TNKS: variants seen among roughly 807,000 people sequenced by gnomAD.
The protein encoded by TNKS is poly [ADP-ribose] polymerase tankyrase-1.
TNKS carries 72 observed loss-of-function variants against 135.8 expected under a neutral mutation model. That is an observed-to-expected ratio of 0.53 (90% CI 0.44 to 0.64). The LOEUF is 0.64. TNKS is among the 30% of genes least tolerant of loss of function. The pLI, the probability that TNKS is intolerant of heterozygous loss-of-function variation, is 0.00. For synonymous variants in TNKS, 849 were observed against 649.3 expected (o/e 1.31, Z -4.68); for missense variants, 1,769 against 1,674.0 (o/e 1.06, Z -0.99).
At chr8:9,588,291 T>C (rs1798462105) in intron 2 of TNKS, among the ~76,000 whole-genome samples, 1 of 152,136 alleles carries the variant, frequency 6.6e-6, no homozygotes, top group Non-Finnish European at 1.5e-5. Context: ...TTCTTTTTTT[T>C]TTTGAGACAG....
At chr8:9,722,364 A>G (rs1585376626) in intron 12 of TNKS, 2 of 152,152 alleles carry the variant, frequency 1.3e-5, no homozygotes, top group African/African-American at 4.8e-5. Flanking sequence ...ACATTGTGAA[A>G]ACTATTGATG....
intron 3 of TNKS, among the ~76,000 whole-genome samples, chr8:9,651,752 C>G (rs564185011): frequency 6.6e-6 from 1 of 152,264 alleles, no homozygotes; most frequent in South Asian, 2.1e-4. Context: ...TAAGAACATT[C>G]TTTTATGTGG....
At chr8:9,741,696 C>G in intron 17 of TNKS, 1 of 527,466 alleles carries the variant, frequency 1.9e-6, no homozygotes, top group Non-Finnish European at 3.9e-6. Flanking sequence ...GTGTGTCACT[C>G]GATGACCACT....
intron 11 of TNKS, among the ~76,000 whole-genome samples, chr8:9,718,183 T>C (rs1004968492): frequency 6.6e-6 from 1 of 152,208 alleles, no homozygotes; most frequent in African/African-American, 2.4e-5. Context: ...TTTTAATTGT[T>C]GACTTTCAAT....
intron 3 of TNKS, among the ~76,000 whole-genome samples, chr8:9,653,054 T>A (rs1224545254): frequency 6.6e-6 from 1 of 152,178 alleles, no homozygotes; most frequent in Non-Finnish European, 1.5e-5. Context: ...TCATGCAGTT[T>A]CCATGGACAT....
chr8:9,625,304 C>G (rs1185443083), intron 3 of TNKS, among the ~76,000 whole-genome samples: 1 of 151,474 alleles, frequency 6.6e-6, no homozygotes, highest in East Asian at 1.9e-4. Context: ...TTTGTGTTTT[C>G]TCCTTTTCTT....
chr8:9,592,648 A>C (rs1158123609), intron 2 of TNKS, among the ~76,000 whole-genome samples: 2 of 152,216 alleles, frequency 1.3e-5, no homozygotes, highest in African/African-American at 4.8e-5. Context: ...GTCCACTTTC[A>C]TACGTATTCT....
chr8:9,735,215 G>A, intron 16 of TNKS, 131 bp downstream of exon 16: 1 of 1,133,168 alleles, frequency 8.8e-7, no homozygotes, highest in Non-Finnish European at 1.2e-6. Context: ...ACATAGTTTT[G>A]TATAATTTCT....
At chr8:9,704,808 T>G in intron 6 of TNKS, 51 bp downstream of exon 6, 1 of 1,449,056 alleles carries the variant, frequency 6.9e-7, no homozygotes, top group Non-Finnish European at 9.6e-7. Context: ...TGTCTGATAC[T>G]CTAAACTTTT....
chr8:9,707,320 T>G (rs1368467051), intron 8 of TNKS, among the ~76,000 whole-genome samples: 3 of 152,200 alleles, frequency 2.0e-5, no homozygotes, highest in African/African-American at 7.2e-5. Context: ...AATATAGCAG[T>G]GTACAAACCA....
chr8:9,619,093 C>A (rs1799763122), intron 3 of TNKS, among the ~76,000 whole-genome samples: 1 of 152,110 alleles, frequency 6.6e-6, no homozygotes, highest in Admixed American at 6.5e-5. Flanking sequence ...GTCATTTAAT[C>A]AATTCTGTTG....
intron 5 of TNKS, among the ~76,000 whole-genome samples, chr8:9,691,834 T>A (rs1307956958): frequency 6.6e-6 from 1 of 152,222 alleles, no homozygotes; most frequent in Non-Finnish European, 1.5e-5. Flanking sequence ...ATGTTTTCTA[T>A]TTTCTACATC....
chr8:9,765,340 C>G (rs533313752), intron 23 of TNKS, among the ~76,000 whole-genome samples: 1 of 151,780 alleles, frequency 6.6e-6, no homozygotes, highest in East Asian at 1.9e-4. Context: ...CAGAATAACC[C>G]AGGGAACTTT....
chr8:9,628,661 C>T (rs1160833321), intron 3 of TNKS, among the ~76,000 whole-genome samples: 2 of 152,064 alleles, frequency 1.3e-5, no homozygotes, highest in East Asian at 1.9e-4. Context: ...TTCATCGAGT[C>T]CATTTTAAAT....
At chr8:9,659,776 A>G (rs1442282585) in intron 3 of TNKS, among the ~76,000 whole-genome samples, 1 of 152,172 alleles carries the variant, frequency 6.6e-6, no homozygotes, top group South Asian at 2.1e-4. Flanking sequence ...AAAACCGTTC[A>G]AAAAAATCAA....
chr8:9,580,338 C>A lies in TNKS; in HGVS notation c.853C>A (p.Pro285Thr). The A allele has an allele frequency of 6.2e-7, 1 of 1,614,132 alleles. No homozygotes were observed. The highest frequency in any genetic ancestry group is 8.5e-7 in the Non-Finnish European group (1 of 1,180,036). The change falls in exon 2 of 27, where the codon CCT becomes ACT. Residue 285 changes from proline to threonine, a missense_variant. Physicochemically the swap from Pro to Thr is conservative, Grantham distance 38. Transcript: ENST00000310430. ...TGCCAGGGATAACTGGAACTATACA[C>A]CTCTGCATGAAGCTGCTATTAAAGG... The part of the protein sequence containing the change: ...PNARDNWNYT[P>T]LHEAAIKGKI...
chr8:9,766,147 T>TAATA, intron 24 of TNKS, 92 bp from the exon 25 acceptor site: 1 of 1,091,516 alleles, frequency 9.2e-7, no homozygotes, highest in Non-Finnish European at 1.3e-6. Context: ...ATTCATTTCT[T>TAATA]AATATTAACC....
At chr8:9,770,328 T>A in intron 26 of TNKS, 66 bp downstream of exon 26, 1 of 1,496,746 alleles carries the variant, frequency 6.7e-7, no homozygotes, top group South Asian at 1.3e-5. Flanking sequence ...AGAGACCGTG[T>A]AAGACTTGAG....
chr8:9,637,764 G>T (rs575927198), intron 3 of TNKS, among the ~76,000 whole-genome samples: 4 of 152,222 alleles, frequency 2.6e-5, no homozygotes, highest in African/African-American at 7.2e-5. Context: ...ACATGAAGTA[G>T]AAATATTAAT....
Sources: gnomAD v4.1 joint callset for allele counts (sites outside exome capture counted in the v4.1 genomes callset) on GRCh38, gnomAD v4.1.1 for gene constraint, MANE v1.5 for transcripts, NCBI Gene and HGNC (gene_info 2026-07-23, HGNC 2026-07-21) for gene names.